GLMN: variants seen among roughly 807,000 people sequenced by gnomAD.
GLMN encodes the protein glomulin, FKBP associated protein.
In GLMN, 75 loss-of-function variants were observed where a neutral mutation model predicts 87.8. The ratio of observed to expected loss-of-function variants is 0.85; its 90% CI spans 0.71 to 1.04. GLMN has a LOEUF of 1.04. GLMN is among the 50% of genes least tolerant of loss of function. GLMN has a pLI of 0.00. For missense variants in GLMN, 588 were observed against 658.8 expected (o/e 0.89, Z 1.18); for synonymous variants, 206 against 221.6 (o/e 0.93, Z 0.63).
chr1:92,345,440 GGAGGGAGGGAGGGACA>G, the GLMN span, among the ~76,000 whole-genome samples: 74 of 149,550 alleles, frequency 4.9e-4, no homozygotes, highest in African/African-American at 9.8e-4. Context: ...AGGAAGGAAG[GGAGGGAGGGAGGGACA>G]GAGGGAGGGA....
At chr1:92,326,185 T>C in the GLMN span, among the ~76,000 whole-genome samples, 42 of 152,184 alleles carry the variant, frequency 2.8e-4, no homozygotes, top group African/African-American at 1.0e-3. Flanking sequence ...TCCTCCCTGG[T>C]ACTTGATATA....
the GLMN span, among the ~76,000 whole-genome samples, chr1:92,340,814 C>T: frequency 1.3e-5 from 2 of 152,052 alleles, no homozygotes; most frequent in South Asian, 2.1e-4. Flanking sequence ...ATTGGTTTAC[C>T]TGTCGTAGTG....
chr1:92,271,391 T>C (rs1314596361), intron 8 of GLMN, 74 bp downstream of exon 8: 9 of 1,064,454 alleles, frequency 8.5e-6, no homozygotes, highest in Non-Finnish European at 1.3e-5. Context: ...TATGCATATA[T>C]TGGACATTAG....
At chr1:92,302,589 A>ATTTTTTTTT (rs1557586485), upstream of GLMN, among the ~76,000 whole-genome samples, 1 of 92,268 alleles carries the variant, frequency 1.1e-5, no homozygotes, top group Non-Finnish European at 2.3e-5. Context: ...TTCCGCATTA[A>ATTTTTTTTT]ATTTTTTTTT....
the GLMN span, among the ~76,000 whole-genome samples, chr1:92,344,927 TTGATTTATATAA>T: frequency 6.6e-6 from 1 of 152,218 alleles, no homozygotes; most frequent in Non-Finnish European, 1.5e-5. Context: ...TATTTTCTTA[TTGATTTATATAA>T]TTTTTAAATT....
the GLMN span, among the ~76,000 whole-genome samples, chr1:92,342,700 G>C: frequency 9.9e-5 from 15 of 152,134 alleles, no homozygotes; most frequent in African/African-American, 3.6e-4. Context: ...GTAATAAGAA[G>C]TGATCAGATC....
At chr1:92,361,432 AATT>A in the GLMN span, among the ~76,000 whole-genome samples, 1 of 152,288 alleles carries the variant, frequency 6.6e-6, no homozygotes, top group South Asian at 2.1e-4. Flanking sequence ...AACTTGGATA[AATT>A]ATTGTTGATA....
At chr1:92,292,882 G>C (rs2101049889) in intron 3 of GLMN, among the ~76,000 whole-genome samples, 1 of 151,686 alleles carries the variant, frequency 6.6e-6, no homozygotes, top group African/African-American at 2.4e-5. Context: ...AAATTAGCTG[G>C]GTCTGGTGGC....
At chr1:92,293,226 G>A (rs998997500) in intron 3 of GLMN, among the ~76,000 whole-genome samples, 1 of 152,104 alleles carries the variant, frequency 6.6e-6, no homozygotes, top group African/African-American at 2.4e-5. Flanking sequence ...ATTATCATCA[G>A]AGAAATGCAA....
chr1:92,360,116 C>T, the GLMN span, among the ~76,000 whole-genome samples: 1 of 152,216 alleles, frequency 6.6e-6, no homozygotes, highest in Admixed American at 6.5e-5. Flanking sequence ...AAAATATGTA[C>T]TTTGCACTGC....
chr1:92,344,341 G>A, the GLMN span, among the ~76,000 whole-genome samples: 1 of 152,070 alleles, frequency 6.6e-6, no homozygotes. Context: ...GGAGGTGGAG[G>A]TTGCAGTGAG....
chr1:92,292,573 G>C (rs939014857), intron 3 of GLMN, among the ~76,000 whole-genome samples: 3 of 144,174 alleles, frequency 2.1e-5, no homozygotes, highest in Non-Finnish European at 4.5e-5. Flanking sequence ...ACCATGCCTG[G>C]CTAATTTTTT....
the GLMN span, among the ~76,000 whole-genome samples, chr1:92,369,976 C>T: frequency 6.6e-6 from 1 of 152,172 alleles, no homozygotes; most frequent in Non-Finnish European, 1.5e-5. Flanking sequence ...CCCCCACCTC[C>T]AGGGTTCAAG....
At chr1:92,250,822 A>T (rs1041827138) in intron 16 of GLMN, among the ~76,000 whole-genome samples, 1 of 152,156 alleles carries the variant, frequency 6.6e-6, no homozygotes, top group Non-Finnish European at 1.5e-5. Context: ...TATTTTTCAA[A>T]GTCAGGTTTG....
At chr1:92,368,224 C>T in the GLMN span, among the ~76,000 whole-genome samples, 18 of 152,092 alleles carry the variant, frequency 1.2e-4, no homozygotes, top group Admixed American at 6.6e-4. Flanking sequence ...AATAAAAATA[C>T]ATAAATTAGC....
At chr1:92,290,048 A>C in intron 5 of GLMN, 150 bp downstream of exon 5, 1 of 662,114 alleles carries the variant, frequency 1.5e-6, no homozygotes. Context: ...GAGCAGCAGT[A>C]TTCACATTGG....
the GLMN span, among the ~76,000 whole-genome samples, chr1:92,365,897 T>C: frequency 2.0e-5 from 3 of 152,302 alleles, no homozygotes; most frequent in East Asian, 5.8e-4. Context: ...TTTTACTGAC[T>C]TACATGACCT....
At chr1:92,349,705 A>G in the GLMN span, among the ~76,000 whole-genome samples, 166 of 152,260 alleles carry the variant, frequency 1.1e-3, 1 homozygote, top group South Asian at 3.3e-3. Context: ...AGGCAGGAGG[A>G]TTGCTTGAGC....
the GLMN span, among the ~76,000 whole-genome samples, chr1:92,345,379 TAAAA>T: frequency 3.4e-4 from 25 of 73,760 alleles, no homozygotes; most frequent in Middle Eastern, 9.6e-3. Flanking sequence ...CCCGTTTCTT[TAAAA>T]AAAAAAAAAA....
Sources: allele counts gnomAD v4.1 joint callset (sites outside exome capture counted in the v4.1 genomes callset), GRCh38; gene constraint gnomAD v4.1.1; transcripts MANE v1.5; gene names NCBI Gene and HGNC (gene_info 2026-07-23, HGNC 2026-07-21).